The following THSD7B variants were observed in gnomAD, a reference collection of about 807,000 sequenced individuals.
THSD7B encodes thrombospondin type-1 domain-containing protein 7B.
THSD7B carries 138 observed loss-of-function variants against 213.6 expected under a neutral mutation model. The ratio of observed to expected loss-of-function variants is 0.65; its 90% CI spans 0.56 to 0.74. The LOEUF is 0.74. Among genes scored for constraint, THSD7B ranks in the 30% least tolerant of loss-of-function variants. THSD7B has a pLI of 0.00. For synonymous variants in THSD7B, 742 were observed against 687.0 expected, an observed-to-expected ratio of 1.08 and a Z score of -1.25; for missense variants, 1,931 against 1,991.5, an observed-to-expected ratio of 0.97 and a Z score of 0.58.
chr2:136,991,700 G>A (rs886785251), intron 2 of THSD7B, among the ~76,000 whole-genome samples: 1 of 152,172 alleles, frequency 6.6e-6, no homozygotes, highest in Non-Finnish European at 1.5e-5. Flanking sequence ...TAGGAATTAA[G>A]GATTCTTGTT....
intron 1 of THSD7B, among the ~76,000 whole-genome samples, chr2:136,874,355 C>A (rs116473770): frequency 1.2e-3 from 182 of 152,242 alleles, no homozygotes; most frequent in African/African-American, 4.2e-3. Flanking sequence ...TTGTATACAG[C>A]AACGTATGGT....
At chr2:137,253,615 G>A (rs7562985) in intron 10 of THSD7B, among the ~76,000 whole-genome samples, 41,547 of 151,994 alleles carry the variant, frequency 0.27, 5,988 homozygotes, top group South Asian at 0.46. Flanking sequence ...CTTATTTGTC[G>A]ATAGAGGTAA....
chr2:137,002,474 G>T (rs1429622193), intron 2 of THSD7B, among the ~76,000 whole-genome samples: 2 of 152,122 alleles, frequency 1.3e-5, no homozygotes, highest in Non-Finnish European at 2.9e-5. Flanking sequence ...GGACTCCAAA[G>T]TAGATTTCCC....
At chr2:136,798,492 T>C (rs1264332908) in intron 1 of THSD7B, among the ~76,000 whole-genome samples, 1 of 151,928 alleles carries the variant, frequency 6.6e-6, no homozygotes, top group Non-Finnish European at 1.5e-5. Context: ...AGTGGGACAG[T>C]TCTTCACCTG....
chr2:137,097,242 C>T (rs568848258), intron 4 of THSD7B, among the ~76,000 whole-genome samples: 1 of 151,824 alleles, frequency 6.6e-6, no homozygotes, highest in African/African-American at 2.4e-5. Flanking sequence ...TTTTTAATAA[C>T]AATTACAGTT....
intron 2 of THSD7B, among the ~76,000 whole-genome samples, chr2:136,883,639 G>A (rs552144088): frequency 6.6e-6 from 1 of 152,236 alleles, no homozygotes; most frequent in South Asian, 2.1e-4. Flanking sequence ...AATGGAAAGT[G>A]GCAAATTTGA....
At chr2:137,451,142 G>A (rs1573633360) in intron 15 of THSD7B, 119 bp downstream of exon 15, 2 of 1,123,632 alleles carry the variant, frequency 1.8e-6, no homozygotes, top group South Asian at 4.4e-5. Context: ...CACAATGTCA[G>A]AAGAAGGATT....
chr2:137,150,197 G>A (rs1430475213), intron 5 of THSD7B, among the ~76,000 whole-genome samples: 1 of 151,336 alleles, frequency 6.6e-6, no homozygotes, highest in Non-Finnish European at 1.5e-5. Context: ...AGCTGAGATG[G>A]TGCCACTGCA....
chr2:137,132,310 A>G (rs1439432668), intron 5 of THSD7B, among the ~76,000 whole-genome samples: 15 of 151,526 alleles, frequency 9.9e-5, no homozygotes, highest in Non-Finnish European at 1.5e-4. Context: ...TAGATATACA[A>G]TCATGTCGTC....
At chr2:137,119,840 G>A (rs559320969) in intron 5 of THSD7B, among the ~76,000 whole-genome samples, 1 of 152,262 alleles carries the variant, frequency 6.6e-6, no homozygotes, top group South Asian at 2.1e-4. Context: ...TATCCAGGAA[G>A]TTTTTGAGTT....
intron 14 of THSD7B, among the ~76,000 whole-genome samples, chr2:137,440,184 C>T (rs1263240536): frequency 6.6e-6 from 1 of 152,136 alleles, no homozygotes; most frequent in Admixed American, 6.6e-5. Flanking sequence ...TGTCATGATC[C>T]TCTTCCAAAT....
rs1045358702 is a variant in THSD7B at position 137,232,988 on chromosome 2, C to T, written c.2005C>T (p.Pro669Ser). The T allele has an allele frequency of 6.2e-7, 1 of 1,613,912 alleles. No homozygotes were observed. The highest frequency in any genetic ancestry group is 8.5e-7 in the Non-Finnish European group (1 of 1,179,842). Residue 669 changes from proline to serine, a missense_variant, in exon 9 of 28, where the codon CCT (proline) becomes TCT (serine). By Grantham distance (74) the Pro-to-Ser change is moderately conservative. Coordinates refer to ENST00000409968, the MANE Select transcript of THSD7B (RefSeq NM_001316349.2). The stretch of plus-strand genomic sequence containing the variant: ...TATGCAGCTTCACTGGGAGACATCG[C>T]CTTGGGGCCCTTGTTCTGAGGACAC... ...SCMQLHWETS[P>S]WGPCSEDTLV...
At chr2:137,605,196 T>C (rs1682148646) in intron 17 of THSD7B, among the ~76,000 whole-genome samples, 1 of 152,336 alleles carries the variant, frequency 6.6e-6, no homozygotes, top group Non-Finnish European at 1.5e-5. Flanking sequence ...TACATAGTGA[T>C]GCTGAGTAAA....
intron 2 of THSD7B, among the ~76,000 whole-genome samples, chr2:136,947,025 T>G (rs148570272): frequency 0.074 from 11,237 of 152,180 alleles, 659 homozygotes; most frequent in African/African-American, 0.16. Context: ...GATGAACCAG[T>G]TACCTCAGTT....
chr2:137,189,916 C>T (rs1242930600), intron 7 of THSD7B, among the ~76,000 whole-genome samples: 1 of 152,098 alleles, frequency 6.6e-6, no homozygotes, highest in South Asian at 2.1e-4. Context: ...AAATTGCCTT[C>T]CATTCCTAGC....
At chr2:136,770,043 C>G (rs755505256) in intron 1 of THSD7B, among the ~76,000 whole-genome samples, 2 of 152,178 alleles carry the variant, frequency 1.3e-5, no homozygotes, top group Non-Finnish European at 2.9e-5. Flanking sequence ...CCGTGTTCCA[C>G]TTGCCTGCAT....
chr2:137,487,298 G>A (rs1457705803), intron 15 of THSD7B, among the ~76,000 whole-genome samples: 12 of 144,708 alleles, frequency 8.3e-5, no homozygotes, highest in African/African-American at 3.2e-4. Flanking sequence ...AACCCGGGAA[G>A]CGGAGCTTGC....
intron 3 of THSD7B, among the ~76,000 whole-genome samples, chr2:137,076,734 C>T (rs1333185390): frequency 1.3e-5 from 2 of 152,166 alleles, no homozygotes; most frequent in African/African-American, 4.8e-5. Context: ...CTTGGCTCCT[C>T]CCCTCCCAAA....
intron 1 of THSD7B, among the ~76,000 whole-genome samples, chr2:136,788,428 C>T (rs1681908102): frequency 6.6e-6 from 1 of 152,086 alleles, no homozygotes; most frequent in African/African-American, 2.4e-5. Flanking sequence ...TTGCAGTGCC[C>T]CATTGTGAAA....
Sources: allele counts gnomAD v4.1 joint callset (sites outside exome capture counted in the v4.1 genomes callset), GRCh38; gene constraint gnomAD v4.1.1; transcripts MANE v1.5; gene names NCBI Gene and HGNC (gene_info 2026-07-23, HGNC 2026-07-21).